ABCC1: variants seen among roughly 807,000 people sequenced by gnomAD.
ABCC1 encodes the protein ATP binding cassette subfamily C member 1 (ABCC1 blood group), also known as multidrug resistance-associated protein 1.
Under a neutral mutation model 172.9 loss-of-function variants are expected in ABCC1, and 83 were observed. That is an observed-to-expected ratio of 0.48 (90% CI 0.40 to 0.58). The LOEUF is 0.58. Among genes scored for constraint, ABCC1 ranks in the 20% least tolerant of loss-of-function variants. The probability of loss-of-function intolerance (pLI) is 0.00; values close to 1 mark genes in which losing one functional copy is unlikely to be tolerated. For missense variants in ABCC1, 1,817 were observed against 2,002.7 expected, an observed-to-expected ratio of 0.91 and a Z score of 1.77; for synonymous variants, 937 against 825.2, an observed-to-expected ratio of 1.14 and a Z score of -2.32.
At chr16:16,133,372 TTTTTTG>T (rs10638507) in intron 27 of ABCC1, among the ~76,000 whole-genome samples, 3,396 of 148,654 alleles carry the variant, frequency 0.023, 115 homozygotes, top group African/African-American at 0.073. Context: ...CTTGCTGTCT[TTTTTTG>T]TTTTTGTTTT....
chr16:15,989,172 G>A (rs953635933), intron 1 of ABCC1, among the ~76,000 whole-genome samples: 1 of 152,036 alleles, frequency 6.6e-6, no homozygotes, highest in Non-Finnish European at 1.5e-5. Flanking sequence ...GAGCAAGGAT[G>A]GCCGTGCCCC....
Position 16,009,773 on chromosome 16 carries a change from C to A in ABCC1, c.226-3C>A. 1 of 1,603,622 alleles carries A rather than the reference C, an allele frequency of 6.2e-7. No individual in the cohort carries two copies. On this transcript the variant is annotated splice_region_variant and splice_polypyrimidine_tract_variant and intron_variant, in intron 2 of 30. Coordinates refer to ENST00000399410, the MANE Select transcript of ABCC1 (RefSeq NM_004996.4). The stretch of plus-strand genomic sequence containing the variant: ...GTAGGATATGTATGTGCTTCTCTTC[C>A]AGGCCTTGGGATTTTTGCTGTGGAT...
At chr16:16,117,987 A>G (rs2044971153) in intron 23 of ABCC1, among the ~76,000 whole-genome samples, 1 of 152,178 alleles carries the variant, frequency 6.6e-6, no homozygotes, top group African/African-American at 2.4e-5. Flanking sequence ...TTCTGCAGAA[A>G]CGGTTATATG....
At chr16:16,094,598 CT>C (rs1345339644) in intron 19 of ABCC1, 3 of 152,522 alleles carry the variant, frequency 2.0e-5, no homozygotes, top group Admixed American at 6.6e-5. Flanking sequence ...CCTGCAAGCT[CT>C]GCCGCCCAGG....
intron 12 of ABCC1, among the ~76,000 whole-genome samples, chr16:16,064,389 A>G (rs897001618): frequency 5.3e-5 from 8 of 152,182 alleles, no homozygotes; most frequent in Non-Finnish European, 8.8e-5. Flanking sequence ...TGTGCGTCTC[A>G]GGGTTGCCAA....
At chr16:16,025,371 C>A (rs1180446777) in intron 5 of ABCC1, among the ~76,000 whole-genome samples, 1 of 152,210 alleles carries the variant, frequency 6.6e-6, no homozygotes, top group African/African-American at 2.4e-5. Context: ...CTGGTCCCCA[C>A]CCACACAGTT....
rs555336113 is a variant in ABCC1 at position 16,022,781 on chromosome 16, C to T, written c.615+6160C>T. The stretch of plus-strand genomic sequence containing the variant: ...AACATTCTTAAACCTACAGAAAAGT[C>T]GAAAGAATTCTACTGTGAGCAGTCA... On this transcript the variant is annotated intron_variant, in intron 5 of 30. Coordinates refer to ENST00000399410, the MANE Select transcript of ABCC1 (RefSeq NM_004996.4). Among the ~76,000 whole-genome samples the T allele has an allele frequency of 6.6e-5, 10 of 152,232 alleles. 1 individual carries two copies. In the East Asian group the frequency reaches 7.7e-4, roughly 12 times the overall value.
At chr16:16,048,980 AT>A (rs2049323108) in intron 10 of ABCC1, among the ~76,000 whole-genome samples, 1 of 146,226 alleles carries the variant, frequency 6.8e-6, no homozygotes, top group Admixed American at 6.9e-5. Context: ...TGAAACTCCA[AT>A]TCCAAAAAAA....
At chr16:16,126,419 T>C (rs1418422351) in intron 26 of ABCC1, among the ~76,000 whole-genome samples, 1 of 152,190 alleles carries the variant, frequency 6.6e-6, no homozygotes, top group African/African-American at 2.4e-5. Flanking sequence ...GGAGTCTCAC[T>C]GTCACCCAGG....
At chr16:15,968,932 G>C (rs570352374) in intron 1 of ABCC1, among the ~76,000 whole-genome samples, 7 of 151,990 alleles carry the variant, frequency 4.6e-5, no homozygotes, top group African/African-American at 1.7e-4. Context: ...AGTCAGCCAG[G>C]TGTGGTGGCT....
In ABCC1 at chr16:16,079,431, G is replaced by T; in HGVS notation, c.2068G>T (p.Ala690Ser). ...CTGCGGAAAGTCGTCCCTGCTCTCAGCCCTCTTGGCTGAGATGGACAAAGT... is the reference window on the plus strand; with the variant it reads ...CTGCGGAAAGTCGTCCCTGCTCTCATCCCTCTTGGCTGAGATGGACAAAGT... ...VGCGKSSLLS[A>S]LLAEMDKVEG... The change falls in exon 16 of 31, where the codon GCC becomes TCC. Residue 690 changes from alanine to serine, a missense_variant. This residue lies in a region of ABCC1 where 1,412 missense variants were observed against 1,600.3 expected (regional missense o/e 0.88). Transcript: ENST00000399410. 6.2e-7 allele frequency: 1 copy of T among 1,614,012 alleles called. No homozygotes were observed. The highest frequency in any genetic ancestry group is 8.5e-7 in the Non-Finnish European group (1 of 1,179,914).
At chr16:16,039,209 TTGTGTGTGTG>T (rs749877499) in intron 7 of ABCC1, among the ~76,000 whole-genome samples, 3 of 137,132 alleles carry the variant, frequency 2.2e-5, no homozygotes, top group Non-Finnish European at 4.6e-5. Flanking sequence ...GAGGAAGCTT[TTGTGTGTGTG>T]TGTGTGTGTG....
At chr16:15,982,693 C>T (rs2046649664) in intron 1 of ABCC1, among the ~76,000 whole-genome samples, 1 of 147,032 alleles carries the variant, frequency 6.8e-6, no homozygotes. Flanking sequence ...TGTATCCCAG[C>T]TACTCATGAG....
intron 7 of ABCC1, 67 bp downstream of exon 7, chr16:16,036,670 T>A: frequency 6.5e-7 from 1 of 1,533,842 alleles, no homozygotes; most frequent in Non-Finnish European, 8.9e-7. Flanking sequence ...GTGGCCTCAA[T>A]CCAGGATGGG....
At chr16:16,134,303 T>G (rs558782553) in intron 27 of ABCC1, 47 bp from the exon 28 acceptor site, 2 of 1,609,182 alleles carry the variant, frequency 1.2e-6, no homozygotes, top group South Asian at 2.2e-5. Flanking sequence ...CAGGGACAAG[T>G]CCGGATGCCA....
At chr16:16,076,801 T>C (rs1275880066) in intron 15 of ABCC1, among the ~76,000 whole-genome samples, 1 of 152,192 alleles carries the variant, frequency 6.6e-6, no homozygotes, top group Non-Finnish European at 1.5e-5. Context: ...ACGCATCCTC[T>C]CCCCTTGTGA....
rs1428221388 is a variant in ABCC1 at position 16,141,447 on chromosome 16, C to T, written c.*166C>T. ...AAAGCAGCAGCCACCGCCATCCGGT[C>T]CCCTGCCTGGAACTGGCTGTGAAGA... On this transcript the variant is annotated 3_prime_UTR_variant, in exon 31 of 31. Transcript: ENST00000399410. The T allele has an allele frequency of 1.6e-6, 1 of 631,288 alleles. No homozygotes were observed. The highest frequency in any genetic ancestry group is 2.7e-6 in the Non-Finnish European group (1 of 364,410). The allele number at this position is 631,288 out of a possible 1,614,324, so 39.1% of individuals were successfully genotyped here.
intron 19 of ABCC1, among the ~76,000 whole-genome samples, chr16:16,093,979 CTTTTT>C (rs578261751): frequency 1.6e-3 from 172 of 106,610 alleles, no homozygotes; most frequent in African/African-American, 5.7e-3. Flanking sequence ...TCCCTCTCTC[CTTTTT>C]TTTTTTTTTT....
At position 16,059,840 on chromosome 16, in the gene ABCC1, A is replaced by G. The variant is rs2049833920; in HGVS notation, c.1677+3545A>G. 3.3e-5 allele frequency among the ~76,000 whole-genome samples: 5 copies of G among 150,738 alleles called. No individual in the cohort carries two copies. The South Asian group carries it at 1.1e-3, about 32-fold the overall frequency. On this transcript the variant is annotated intron_variant, in intron 12 of 30. Transcript: ENST00000399410. The stretch of plus-strand genomic sequence containing the variant: ...CCCACCCCCTCCCAGCCCCCCACAA[A>G]AAAAAATTAGCCAGGTGTGGTGGAG...
Sources: gnomAD v4.1 joint callset for allele counts (sites outside exome capture counted in the v4.1 genomes callset) on GRCh38, gnomAD v4.1.1 for gene constraint, gnomAD v4.1.1 regional missense constraint, MANE v1.5 for transcripts, NCBI Gene and HGNC (gene_info 2026-07-23, HGNC 2026-07-21) for gene names.